Variants in ROR1 observed in about 807,000 individuals in gnomAD.
ROR1 encodes inactive tyrosine-protein kinase transmembrane receptor ROR1.
A neutral mutation model predicts 78.8 loss-of-function variants in ROR1; 19 were observed. That is an observed-to-expected ratio of 0.24 (90% CI 0.17 to 0.35). ROR1 has a LOEUF of 0.35. Ranked by LOEUF, ROR1 falls within the 10% of genes least tolerant of loss-of-function variation. ROR1 has a pLI of 1.00. For synonymous variants in ROR1, 386 were observed against 433.6 expected (o/e 0.89, Z 1.36); for missense variants, 917 against 1,177.8 (o/e 0.78, Z 3.24).
intron 1 of ROR1, among the ~76,000 whole-genome samples, chr1:63,903,385 C>A (rs1386519187): frequency 6.6e-6 from 1 of 151,484 alleles, no homozygotes; most frequent in East Asian, 1.9e-4. Flanking sequence ...TGATGTCATT[C>A]ATTTGAAATA....
At chr1:63,885,693 G>T (rs1285502033) in intron 1 of ROR1, among the ~76,000 whole-genome samples, 1 of 152,126 alleles carries the variant, frequency 6.6e-6, no homozygotes, top group Non-Finnish European at 1.5e-5. Flanking sequence ...TTTGCTTCCT[G>T]AAAGCATTTT....
At chr1:63,776,221 G>T (rs903350561) in intron 1 of ROR1, among the ~76,000 whole-genome samples, 3 of 152,210 alleles carry the variant, frequency 2.0e-5, no homozygotes, top group African/African-American at 7.2e-5. Flanking sequence ...CCTTGTGGGG[G>T]TGGGGGTCAC....
chr1:63,790,263 T>A (rs751687655), intron 1 of ROR1, among the ~76,000 whole-genome samples: 1 of 152,226 alleles, frequency 6.6e-6, no homozygotes, highest in South Asian at 2.1e-4. Flanking sequence ...ATTCTGCTTT[T>A]ACTTTTACTA....
intron 1 of ROR1, among the ~76,000 whole-genome samples, chr1:64,005,510 C>T (rs1275037962): frequency 6.6e-6 from 1 of 152,112 alleles, no homozygotes; most frequent in Non-Finnish European, 1.5e-5. Flanking sequence ...GTAAATATAC[C>T]TGGAAATGTC....
intron 1 of ROR1, among the ~76,000 whole-genome samples, chr1:63,933,314 C>G (rs982954983): frequency 6.6e-6 from 1 of 152,118 alleles, no homozygotes; most frequent in African/African-American, 2.4e-5. Flanking sequence ...GTTAATAATT[C>G]TGGCCTCAGA....
chr1:64,088,270 TG>T (rs1273230393), intron 4 of ROR1, among the ~76,000 whole-genome samples: 1 of 152,198 alleles, frequency 6.6e-6, no homozygotes, highest in Non-Finnish European at 1.5e-5. Flanking sequence ...ATTATTGCTA[TG>T]TATGTCCAGA....
At chr1:63,836,789 T>C (rs1645020957) in intron 1 of ROR1, among the ~76,000 whole-genome samples, 1 of 152,204 alleles carries the variant, frequency 6.6e-6, no homozygotes, top group South Asian at 2.1e-4. Context: ...ACTTTCCATC[T>C]TTTTAAGAAT....
rs1405662556 is a variant in ROR1 at position 64,085,662 on chromosome 1, G to A, written c.482+34946G>A. On this transcript the variant is annotated intron_variant, in intron 4 of 8. Coordinates refer to ENST00000371079, the MANE Select transcript of ROR1 (RefSeq NM_005012.4). ...AAAGATAATATAGTTTCCCCAAGCA[G>A]CAAGGAGGGCAGACCTGGAGGTGGC... 4.6e-5 allele frequency among the ~76,000 whole-genome samples: 7 copies of A among 152,134 alleles called. No homozygotes were observed. The South Asian group carries it at 1.4e-3, about 31-fold the overall frequency.
In ROR1 at chr1:64,175,142, T is replaced by C. The variant is rs552120928; in HGVS notation, c.1387-2286T>C. 4.6e-5 allele frequency among the ~76,000 whole-genome samples: 7 copies of C among 152,102 alleles called. No homozygotes were observed. The South Asian group carries it at 1.4e-3, about 31-fold the overall frequency. On this transcript the variant is annotated intron_variant, in intron 8 of 8. Coordinates refer to ENST00000371079, the MANE Select transcript of ROR1 (RefSeq NM_005012.4). ...AAAGCAGAACCTCTGCCCCCCTTTTTCTAGTTTCTACTTCCATACCCCCAA... is the reference window on the plus strand; with the variant it reads ...AAAGCAGAACCTCTGCCCCCCTTTTCCTAGTTTCTACTTCCATACCCCCAA...
At chr1:63,786,568 G>A (rs1371277913) in intron 1 of ROR1, among the ~76,000 whole-genome samples, 1 of 141,982 alleles carries the variant, frequency 7.0e-6, no homozygotes, top group African/African-American at 2.7e-5. Flanking sequence ...CACCGCGCCT[G>A]GCCTTTTTTT....
At chr1:63,911,079 C>G (rs705524) in intron 1 of ROR1, among the ~76,000 whole-genome samples, 130,067 of 152,148 alleles carry the variant, frequency 0.85, 56,055 homozygotes, top group East Asian at 0.99. Flanking sequence ...GGAATCAAAT[C>G]ATAGACACTT....
At chr1:64,064,863 T>G (rs890391979) in intron 4 of ROR1, among the ~76,000 whole-genome samples, 17 of 152,234 alleles carry the variant, frequency 1.1e-4, no homozygotes, top group Non-Finnish European at 2.4e-4. Context: ...TAGTACTGTC[T>G]GTAATTTTCA....
rs558195427 is a variant in ROR1 at position 64,031,636 on chromosome 1, C to T, written c.164-18055C>T. On this transcript the variant is annotated intron_variant, in intron 2 of 8. Coordinates refer to ENST00000371079, the MANE Select transcript of ROR1 (RefSeq NM_005012.4). ...GTTGCTCATTCCAAAATACATAACCCTTTTTGTCTGTGGCATCTTATATTT... is the reference window on the plus strand; with the variant it reads ...GTTGCTCATTCCAAAATACATAACCTTTTTTGTCTGTGGCATCTTATATTT... Among the ~76,000 whole-genome samples the T allele has an allele frequency of 4.6e-5, 7 of 152,286 alleles. No homozygotes were observed. The South Asian group carries it at 1.0e-3, about 23-fold the overall frequency.
chr1:64,113,281 C>T (rs1300365682), intron 4 of ROR1, among the ~76,000 whole-genome samples: 1 of 152,130 alleles, frequency 6.6e-6, no homozygotes, highest in Non-Finnish European at 1.5e-5. Context: ...CACTAAATAG[C>T]CTAACACCGT....
At chr1:64,138,686 C>G (rs1569839947) in intron 5 of ROR1, among the ~76,000 whole-genome samples, 1 of 151,906 alleles carries the variant, frequency 6.6e-6, no homozygotes, top group Non-Finnish European at 1.5e-5. Context: ...ACTTTTTAAC[C>G]AACCAAAAGA....
At chr1:63,929,429 C>G (rs1645733442) in intron 1 of ROR1, among the ~76,000 whole-genome samples, 1 of 152,134 alleles carries the variant, frequency 6.6e-6, no homozygotes, top group Admixed American at 6.5e-5. Context: ...TCAGTTCTCT[C>G]TCTCTCTCTC....
At position 64,027,752 on chromosome 1, in the gene ROR1, G is replaced by A. The variant is rs372239179; in HGVS notation, c.163+18376G>A. ...TGCCAGGCTGGAATGCAGTGGCTTG[G>A]TCTCAGCTCACTGCAATCTCTGCCT... On this transcript the variant is annotated intron_variant, in intron 2 of 8. Coordinates refer to ENST00000371079, the MANE Select transcript of ROR1 (RefSeq NM_005012.4). Among the ~76,000 whole-genome samples, 25 of 151,540 alleles carry A rather than the reference G, an allele frequency of 1.6e-4. 1 individual carries two copies. The highest frequency in any genetic ancestry group is 4.6e-4 in the African/African-American group (19 of 41,296).
intron 1 of ROR1, among the ~76,000 whole-genome samples, chr1:63,801,872 C>T (rs1408075022): frequency 6.6e-6 from 1 of 152,168 alleles, no homozygotes; most frequent in East Asian, 1.9e-4. Flanking sequence ...TGTCTTCTTT[C>T]ACAACCACAC....
chr1:63,804,244 A>G (rs1644815057), intron 1 of ROR1, among the ~76,000 whole-genome samples: 1 of 152,080 alleles, frequency 6.6e-6, no homozygotes, highest in Non-Finnish European at 1.5e-5. Flanking sequence ...TATATGTGAT[A>G]AAATTGCACA....
Sources: allele counts gnomAD v4.1 joint callset (sites outside exome capture counted in the v4.1 genomes callset), GRCh38; gene constraint gnomAD v4.1.1; transcripts MANE v1.5; gene names NCBI Gene and HGNC (gene_info 2026-07-23, HGNC 2026-07-21).